Variants in HS6ST3 observed in about 807,000 individuals in gnomAD.
The protein encoded by HS6ST3 is heparan sulfate 6-O-sulfotransferase 3.
In HS6ST3, 12 loss-of-function variants were observed where a neutral mutation model predicts 36.7. That is an observed-to-expected ratio of 0.33 (90% CI 0.21 to 0.53). HS6ST3 has a LOEUF of 0.53. Among genes scored for constraint, HS6ST3 ranks in the 20% least tolerant of loss-of-function variants. The probability of loss-of-function intolerance (pLI) is 0.95; values close to 1 mark genes in which losing one functional copy is unlikely to be tolerated. For missense variants in HS6ST3, 584 were observed against 640.9 expected, an observed-to-expected ratio of 0.91 and a Z score of 0.96; for synonymous variants, 240 against 257.5, an observed-to-expected ratio of 0.93 and a Z score of 0.65.
chr13:96,477,655 AG>A (rs2055870557), intron 1 of HS6ST3, among the ~76,000 whole-genome samples: 1 of 152,122 alleles, frequency 6.6e-6, no homozygotes, highest in Non-Finnish European at 1.5e-5. Context: ...GCATCACTTG[AG>A]GTCAGGAGTT....
chr13:96,513,203 C>T (rs972595537), intron 1 of HS6ST3, among the ~76,000 whole-genome samples: 4 of 151,748 alleles, frequency 2.6e-5, no homozygotes, highest in African/African-American at 4.8e-5. Context: ...TGTGTTATCT[C>T]TCTCCTTATC....
At chr13:96,346,632 G>A (rs1326813041) in intron 1 of HS6ST3, among the ~76,000 whole-genome samples, 1 of 151,938 alleles carries the variant, frequency 6.6e-6, no homozygotes, top group Non-Finnish European at 1.5e-5. Context: ...ATATAATCTC[G>A]TGTTTGTATA....
intron 1 of HS6ST3, among the ~76,000 whole-genome samples, chr13:96,772,107 A>G (rs1162789413): frequency 6.6e-6 from 1 of 152,200 alleles, no homozygotes; most frequent in Non-Finnish European, 1.5e-5. Context: ...GGGAAATAGA[A>G]TGCATCTGGC....
intron 1 of HS6ST3, among the ~76,000 whole-genome samples, chr13:96,461,601 A>G (rs186899251): frequency 3.2e-3 from 491 of 152,338 alleles, no homozygotes; most frequent in Non-Finnish European, 5.4e-3. Context: ...CTGAACTAAC[A>G]CAAAAAGGTT....
At chr13:96,574,736 G>A (rs1296062664) in intron 1 of HS6ST3, among the ~76,000 whole-genome samples, 3 of 152,136 alleles carry the variant, frequency 2.0e-5, no homozygotes, top group Non-Finnish European at 2.9e-5. Flanking sequence ...AGGTTCTGGT[G>A]GACTGGGGCT....
chr13:96,666,653 A>G (rs1021893683), intron 1 of HS6ST3, among the ~76,000 whole-genome samples: 5 of 152,154 alleles, frequency 3.3e-5, no homozygotes, highest in African/African-American at 1.2e-4. Context: ...TCTAACATAA[A>G]CGATATGAAC....
At chr13:96,469,450 C>T (rs2055830271) in intron 1 of HS6ST3, among the ~76,000 whole-genome samples, 1 of 152,100 alleles carries the variant, frequency 6.6e-6, no homozygotes, top group African/African-American at 2.4e-5. Context: ...TAGATGGTAT[C>T]CAGCTCCTCC....
chr13:96,545,364 A>G (rs527920806), intron 1 of HS6ST3, among the ~76,000 whole-genome samples: 2 of 152,206 alleles, frequency 1.3e-5, no homozygotes, highest in African/African-American at 2.4e-5. Flanking sequence ...ACATCCTTCT[A>G]TGACCAACAC....
At position 96,833,375 on chromosome 13, in the gene HS6ST3, C is replaced by CT. The variant is rs1055688501; in HGVS notation, c.*185dup. ...CCAGCTGGAGATTATCCGTCTTGTTCTTTTTTTTCTTGACATTTTGCAATT... is the reference window on the plus strand; with the variant it reads ...CCAGCTGGAGATTATCCGTCTTGTTCTTTTTTTTTCTTGACATTTTGCAATT... On this transcript the variant is annotated 3_prime_UTR_variant, in exon 2 of 2. Transcript: ENST00000376705. 93 of 600,918 alleles carry CT rather than the reference C, an allele frequency of 1.5e-4. No homozygotes were observed. The highest frequency in any genetic ancestry group is 2.3e-4 in the Non-Finnish European group (80 of 354,370). The allele number at this position is 600,918 out of a possible 1,614,324, so 37.2% of individuals were successfully genotyped here. A position where few individuals can be genotyped will look rare whatever the true frequency, so the allele number is the denominator to read the frequency against.
At chr13:96,129,771 T>C (rs1257746714) in intron 1 of HS6ST3, among the ~76,000 whole-genome samples, 2 of 152,194 alleles carry the variant, frequency 1.3e-5, no homozygotes, top group African/African-American at 4.8e-5. Context: ...CTGAATCCAG[T>C]ATGACTGGTG....
In HS6ST3 at chr13:96,287,186, T is replaced by C. The variant is rs563394850; in HGVS notation, c.707+195617T>C. On this transcript the variant is annotated intron_variant, in intron 1 of 1. Transcript: ENST00000376705. Reference sequence around the variant, plus strand: ...AAAGTAAATCGGATGAGCCTCTATATAACATCTCAGACATCCCTGTTGAAT... The same window carrying C: ...AAAGTAAATCGGATGAGCCTCTATACAACATCTCAGACATCCCTGTTGAAT... 7.4e-4 allele frequency among the ~76,000 whole-genome samples: 112 copies of C among 152,306 alleles called. 1 individual carries two copies. The highest frequency in any genetic ancestry group is 2.7e-3 in the African/African-American group (111 of 41,574).
At chr13:96,254,553 C>G (rs1352498367) in intron 1 of HS6ST3, among the ~76,000 whole-genome samples, 1 of 133,572 alleles carries the variant, frequency 7.5e-6, no homozygotes, top group African/African-American at 2.9e-5. Flanking sequence ...AGTGGACATC[C>G]CTGCTTATCA....
intron 1 of HS6ST3, among the ~76,000 whole-genome samples, chr13:96,457,591 T>C (rs1033708137): frequency 6.6e-6 from 1 of 152,114 alleles, no homozygotes; most frequent in African/African-American, 2.4e-5. Context: ...AAAATTGGAT[T>C]GGACAGTATT....
chr13:96,331,379 T>C (rs2139420807), intron 1 of HS6ST3, among the ~76,000 whole-genome samples: 1 of 152,064 alleles, frequency 6.6e-6, no homozygotes, highest in Middle Eastern at 3.4e-3. Flanking sequence ...CCTTTCTGTT[T>C]GTTAGTTTTC....
chr13:96,650,298 A>T (rs1157989686), intron 1 of HS6ST3, among the ~76,000 whole-genome samples: 2 of 152,094 alleles, frequency 1.3e-5, no homozygotes, highest in Non-Finnish European at 2.9e-5. Context: ...TCTTTGGTTT[A>T]TATCAAGAAT....
intron 1 of HS6ST3, among the ~76,000 whole-genome samples, chr13:96,389,413 A>G (rs1201108483): frequency 2.6e-5 from 4 of 152,154 alleles, no homozygotes; most frequent in African/African-American, 9.6e-5. Flanking sequence ...AAAACCTCAT[A>G]GGTTGGAAAT....
At position 96,389,149 on chromosome 13, in the gene HS6ST3, C is replaced by G. The variant is rs937911008; in HGVS notation, c.707+297580C>G. ...ATGTATATACTAGACTTGCTATATA[C>G]TAGACTTGTATATAGCATAAATAAG... On this transcript the variant is annotated intron_variant, in intron 1 of 1. Transcript: ENST00000376705. 2.0e-5 allele frequency among the ~76,000 whole-genome samples: 3 copies of G among 152,068 alleles called. No individual in the cohort carries two copies. The South Asian group carries it at 6.2e-4, about 31-fold the overall frequency.
intron 1 of HS6ST3, among the ~76,000 whole-genome samples, chr13:96,224,465 G>A (rs2054470822): frequency 6.6e-6 from 1 of 152,074 alleles, no homozygotes; most frequent in Admixed American, 6.5e-5. Flanking sequence ...GGGACCATAG[G>A]CATGCCCCAC....
intron 1 of HS6ST3, among the ~76,000 whole-genome samples, chr13:96,533,530 T>G (rs1838802109): frequency 6.6e-6 from 1 of 152,142 alleles, no homozygotes; most frequent in African/African-American, 2.4e-5. Flanking sequence ...CAAAGCAAAT[T>G]TAATCACAGC....
Sources: gnomAD v4.1 joint callset for allele counts (sites outside exome capture counted in the v4.1 genomes callset) on GRCh38, gnomAD v4.1.1 for gene constraint, MANE v1.5 for transcripts, NCBI Gene and HGNC (gene_info 2026-07-23, HGNC 2026-07-21) for gene names.